The following WWC2 variants were observed in gnomAD, a reference collection of about 807,000 sequenced individuals.
The protein encoded by WWC2 is WW and C2 domain containing 2, also known as protein WWC2.
A neutral mutation model predicts 138.5 loss-of-function variants in WWC2; 101 were observed. The ratio of observed to expected loss-of-function variants is 0.73; its 90% CI spans 0.62 to 0.86. WWC2 has a LOEUF of 0.86. Among genes scored for constraint, WWC2 ranks in the 40% least tolerant of loss-of-function variants. The pLI is 0.00. For synonymous variants in WWC2, 558 were observed against 538.4 expected (o/e 1.04, Z -0.50); for missense variants, 1,420 against 1,419.4 (o/e 1.00, Z -0.01).
chr4:183,184,764 A>G (rs1016892702), intron 1 of WWC2, among the ~76,000 whole-genome samples: 1 of 152,194 alleles, frequency 6.6e-6, no homozygotes, highest in African/African-American at 2.4e-5. Flanking sequence ...CTATTTTTAT[A>G]TAAGTTAGAA....
At chr4:183,203,232 A>C (rs1342203719) in intron 2 of WWC2, among the ~76,000 whole-genome samples, 1 of 150,812 alleles carries the variant, frequency 6.6e-6, no homozygotes, top group Non-Finnish European at 1.5e-5. Flanking sequence ...TTCTCAATGT[A>C]CATTCCAATA....
chr4:183,254,485 C>T (rs562652396), intron 9 of WWC2, among the ~76,000 whole-genome samples: 98 of 152,284 alleles, frequency 6.4e-4, no homozygotes, highest in African/African-American at 2.3e-3. Context: ...GCATCCCTCC[C>T]GTGAAACAGG....
intron 15 of WWC2, chr4:183,269,512 T>C (rs1405335208): frequency 2.0e-6 from 1 of 490,414 alleles, no homozygotes; most frequent in Admixed American, 2.3e-5. Flanking sequence ...GTGTATATAT[T>C]ATCTCATTTA....
intron 4 of WWC2, among the ~76,000 whole-genome samples, chr4:183,238,407 TTG>T (rs1736497957): frequency 6.6e-6 from 1 of 152,216 alleles, no homozygotes; most frequent in African/African-American, 2.4e-5. Context: ...CCCCACAGCG[TTG>T]TCACAGTGAC....
intron 11 of WWC2, among the ~76,000 whole-genome samples, chr4:183,263,764 A>G (rs1345017281): frequency 6.6e-6 from 1 of 152,202 alleles, no homozygotes; most frequent in Non-Finnish European, 1.5e-5. Flanking sequence ...TTGTCTCAAA[A>G]AAAGGAAAGA....
chr4:183,255,992 A>G (rs1277953549), intron 9 of WWC2, among the ~76,000 whole-genome samples: 1 of 151,978 alleles, frequency 6.6e-6, no homozygotes, highest in Non-Finnish European at 1.5e-5. Flanking sequence ...AGTGAGATCC[A>G]GCCACTGGGT....
chr4:183,273,231 C>CTTT (rs35297102), intron 16 of WWC2, among the ~76,000 whole-genome samples: 105,776 of 150,462 alleles, frequency 0.7, 38,057 homozygotes, highest in Middle Eastern at 0.81. Flanking sequence ...ATTAGTATAT[C>CTTT]TTTTTTTTGA....
chr4:183,195,390 T>G (rs1200993317), intron 2 of WWC2, among the ~76,000 whole-genome samples: 1 of 152,204 alleles, frequency 6.6e-6, no homozygotes, highest in African/African-American at 2.4e-5. Context: ...CTTAGCCTCC[T>G]TCTCAACACC....
Position 183,268,952 on chromosome 4 carries a change from T to G in WWC2, c.2208-19T>G. On this transcript the variant is annotated intron_variant, in intron 14 of 22. Transcript: ENST00000403733. ...AATTAAAGTACCTATGAAATCCATT[T>G]TATTCTTGTTCTTTGCAGATATTTT... 1 of 1,597,730 alleles carries G rather than the reference T, an allele frequency of 6.3e-7. No individual in the cohort carries two copies. Among genetic ancestry groups the G allele is most frequent in the Non-Finnish European group, 8.5e-7 (1 of 1,173,358 alleles).
At chr4:183,288,870 C>A (rs1738339350) in intron 20 of WWC2, among the ~76,000 whole-genome samples, 1 of 152,158 alleles carries the variant, frequency 6.6e-6, no homozygotes, top group South Asian at 2.1e-4. Context: ...GGCTGACTGT[C>A]ATGGACATGG....
At chr4:183,113,270 G>A (rs529485456) in intron 1 of WWC2, among the ~76,000 whole-genome samples, 1 of 152,124 alleles carries the variant, frequency 6.6e-6, no homozygotes, top group East Asian at 2.0e-4. Context: ...ACAGATTGAT[G>A]TAGAAACAGA....
intron 11 of WWC2, among the ~76,000 whole-genome samples, chr4:183,262,578 G>C (rs1737363234): frequency 6.6e-6 from 1 of 152,266 alleles, no homozygotes; most frequent in African/African-American, 2.4e-5. Context: ...AGTGGCCTGG[G>C]CCTGTGGGAG....
intron 2 of WWC2, among the ~76,000 whole-genome samples, chr4:183,203,182 T>C (rs1416390345): frequency 6.6e-6 from 1 of 152,106 alleles, no homozygotes; most frequent in Non-Finnish European, 1.5e-5. Flanking sequence ...ATTTGCTTTT[T>C]TTTTTTTTTT....
intron 19 of WWC2, among the ~76,000 whole-genome samples, chr4:183,285,078 T>C (rs1178530300): frequency 6.6e-6 from 1 of 152,236 alleles, no homozygotes; most frequent in Non-Finnish European, 1.5e-5. Context: ...CCCAGAGCCC[T>C]GCCATTGTAG....
At chr4:183,160,303 T>C (rs1395770307) in intron 1 of WWC2, among the ~76,000 whole-genome samples, 4 of 152,158 alleles carry the variant, frequency 2.6e-5, no homozygotes, top group Non-Finnish European at 5.9e-5. Flanking sequence ...TTTGTAAGAA[T>C]GAATAGTTGA....
At chr4:183,170,816 C>T (rs1206801681) in intron 1 of WWC2, among the ~76,000 whole-genome samples, 1 of 150,528 alleles carries the variant, frequency 6.6e-6, no homozygotes, top group African/African-American at 2.4e-5. Context: ...CCTCAGCCTC[C>T]TGAGTAGCTG....
intron 1 of WWC2, among the ~76,000 whole-genome samples, chr4:183,161,810 A>G (rs895471517): frequency 6.6e-5 from 10 of 152,268 alleles, no homozygotes; most frequent in South Asian, 2.1e-4. Flanking sequence ...AGTGCAGTCT[A>G]TGAGGTCCGC....
chr4:183,254,045 T>G, intron 9 of WWC2, 46 bp downstream of exon 9: 6 of 1,585,948 alleles, frequency 3.8e-6, no homozygotes, highest in Non-Finnish European at 4.3e-6. Flanking sequence ...CTTGTGGGGG[T>G]GTCTTAACTG....
intron 1 of WWC2, among the ~76,000 whole-genome samples, chr4:183,107,497 A>T (rs1732062704): frequency 6.6e-6 from 1 of 151,998 alleles, no homozygotes; most frequent in Non-Finnish European, 1.5e-5. Flanking sequence ...GTGAGGTAGG[A>T]TCTTACTGTG....
Sources: gnomAD v4.1 joint callset for allele counts (sites outside exome capture counted in the v4.1 genomes callset) on GRCh38, gnomAD v4.1.1 for gene constraint, MANE v1.5 for transcripts, NCBI Gene and HGNC (gene_info 2026-07-23, HGNC 2026-07-21) for gene names.